The following NRXN2 variants were observed in gnomAD, a reference collection of about 807,000 sequenced individuals.
The protein encoded by NRXN2 is neurexin-2-beta.
A neutral mutation model predicts 128.8 loss-of-function variants in NRXN2; 29 were observed. The ratio of observed to expected loss-of-function variants is 0.23; its 90% CI spans 0.17 to 0.31. NRXN2 has a LOEUF of 0.31. Ranked by LOEUF, NRXN2 falls within the 10% of genes least tolerant of loss-of-function variation. The probability of loss-of-function intolerance (pLI) is 1.00; values close to 1 mark genes in which losing one functional copy is unlikely to be tolerated. For synonymous variants in NRXN2, 1,098 were observed against 1,075.2 expected, an observed-to-expected ratio of 1.02 and a Z score of -0.41; for missense variants, 1,881 against 2,452.6, an observed-to-expected ratio of 0.77 and a Z score of 4.92.
At chr11:64,643,330 G>T (rs2046058967) in intron 17 of NRXN2, 1 of 968,440 alleles carries the variant, frequency 1.0e-6, no homozygotes, top group African/African-American at 1.9e-5. Flanking sequence ...CCGCCCGACG[G>T]AGGCCGGGGG....
rs1191987645 is a variant in NRXN2 at position 64,663,375 on chromosome 11, C to CA, written c.1799-2237dup. 6.2e-3 allele frequency among the ~76,000 whole-genome samples: 648 copies of CA among 105,244 alleles called. 1 individual carries two copies. Among genetic ancestry groups the CA allele is most frequent in the Middle Eastern group, 0.024 (5 of 206 alleles). The allele number at this position is 105,244 out of a possible 152,430, so 69.0% of individuals were successfully genotyped here. On this transcript the variant is annotated intron_variant, in intron 9 of 22. Coordinates refer to ENST00000265459, the MANE Select transcript of NRXN2 (RefSeq NM_015080.4). ...GGGCGACAAGAGCAAAACTCTGACTCAAAAAAAAAAAAAAAACCTCACCTG... is the reference window on the plus strand; with the variant it reads ...GGGCGACAAGAGCAAAACTCTGACTCAAAAAAAAAAAAAAAAACCTCACCTG...
At chr11:64,718,580 C>CG (rs2057357932) in intron 1 of NRXN2, among the ~76,000 whole-genome samples, 1 of 152,178 alleles carries the variant, frequency 6.6e-6, no homozygotes, top group Non-Finnish European at 1.5e-5. Flanking sequence ...TAGGCTGCCT[C>CG]GGGGGGTGGT....
intron 7 of NRXN2, 39 bp from the exon 8 acceptor site, chr11:64,668,643 A>G: frequency 6.2e-7 from 1 of 1,610,408 alleles, no homozygotes; most frequent in South Asian, 1.1e-5. Flanking sequence ...ACAGGAGACA[A>G]CCAACATCAA....
intron 17 of NRXN2, among the ~76,000 whole-genome samples, chr11:64,647,885 A>G (rs537312123): frequency 6.6e-6 from 1 of 152,350 alleles, no homozygotes; most frequent in African/African-American, 2.4e-5. Context: ...AAAACTACAC[A>G]GGACAGCAGC....
chr11:64,690,320 G>A (rs1260742892), intron 5 of NRXN2, 85 bp downstream of exon 5: 24 of 1,252,666 alleles, frequency 1.9e-5, no homozygotes, highest in South Asian at 5.1e-5. Context: ...ATGTGCCTGC[G>A]TTGACTTGGC....
At chr11:64,643,135 C>G (rs1286767262) in intron 17 of NRXN2, 29 of 962,496 alleles carry the variant, frequency 3.0e-5, no homozygotes, top group Admixed American at 7.2e-5. Context: ...GGCATGGTGC[C>G]GAGTGGAGAG....
At chr11:64,686,819 G>A (rs998555400) in intron 5 of NRXN2, among the ~76,000 whole-genome samples, 3 of 152,220 alleles carry the variant, frequency 2.0e-5, no homozygotes, top group Admixed American at 1.3e-4. Flanking sequence ...ATAGGCACCC[G>A]GCACAGGGCC....
At chr11:64,715,218 C>A (rs187824911) in intron 1 of NRXN2, among the ~76,000 whole-genome samples, 10 of 152,292 alleles carry the variant, frequency 6.6e-5, no homozygotes, top group Admixed American at 2.0e-4. Context: ...TTACAAATGT[C>A]ATTTTACTTA....
In NRXN2 at chr11:64,676,011, T is replaced by A. The variant is rs2135535999; in HGVS notation, c.1197+982A>T. On this transcript the variant is annotated intron_variant, in intron 7 of 22. Coordinates refer to ENST00000265459, the MANE Select transcript of NRXN2 (RefSeq NM_015080.4). Reference sequence around the variant, plus strand: ...CTGAGCCTAACCCAAACAGAGGAGCTCGGTGACAAGGACAACCAATGCTGC... The same window carrying A: ...CTGAGCCTAACCCAAACAGAGGAGCACGGTGACAAGGACAACCAATGCTGC... The A allele has an allele frequency of 3.3e-5, 5 of 152,938 alleles. No homozygotes were observed. The South Asian group carries it at 1.0e-3, about 32-fold the overall frequency. 9.5% of individuals were successfully genotyped at this position (152,938 alleles called of 1,614,324 possible). A position where few individuals can be genotyped will look rare whatever the true frequency, so the allele number is the denominator to read the frequency against.
At chr11:64,682,270 T>C (rs532066940) in intron 6 of NRXN2, among the ~76,000 whole-genome samples, 3 of 151,262 alleles carry the variant, frequency 2.0e-5, no homozygotes, top group Non-Finnish European at 3.0e-5. Flanking sequence ...GACTCCATCA[T>C]TGGGGGACTC....
intron 1 of NRXN2, among the ~76,000 whole-genome samples, chr11:64,716,509 G>A (rs1187040913): frequency 6.6e-6 from 1 of 152,200 alleles, no homozygotes; most frequent in Non-Finnish European, 1.5e-5. Flanking sequence ...CGAAGCGGCT[G>A]AGAGTCCAGG....
chr11:64,657,091 T>C (rs2048382601), intron 11 of NRXN2, among the ~76,000 whole-genome samples: 1 of 152,126 alleles, frequency 6.6e-6, no homozygotes, highest in Non-Finnish European at 1.5e-5. Context: ...CTCTACAGGA[T>C]AAGATCATGA....
intron 17 of NRXN2, among the ~76,000 whole-genome samples, chr11:64,641,493 G>A (rs1440779607): frequency 6.6e-6 from 1 of 152,060 alleles, no homozygotes; most frequent in Non-Finnish European, 1.5e-5. Flanking sequence ...GCCAGATGTA[G>A]AAGGTAATGG....
rs1428007772 is a variant in NRXN2, at chr11:64,648,638, C to T, written c.3283+96G>A. On this transcript the variant is annotated intron_variant, in intron 16 of 22. Coordinates refer to ENST00000265459, the MANE Select transcript of NRXN2 (RefSeq NM_015080.4). The surrounding 1 kb of genome is among the most constrained non-coding windows in gnomAD (Gnocchi z 4.1). The stretch of plus-strand genomic sequence containing the variant: ...CCATAAGGCCTGAGAAGGAAGGCCC[C>T]TTGGCAGAGCAAAGGCTACCTGCCC... 2.0e-6 allele frequency: 3 copies of T among 1,531,520 alleles called. No individual in the cohort carries two copies. The highest frequency in any genetic ancestry group is 2.7e-6 in the Non-Finnish European group (3 of 1,107,808). 94.9% of individuals were successfully genotyped at this position (1,531,520 alleles called of 1,614,324 possible).
rs758412480 is a variant in NRXN2, at chr11:64,685,902, C to G, written c.896G>C (p.Cys299Ser). Reference sequence around the variant, plus strand: ...GATGGGGTTGTGTGACAGGTCGTAGCAGAAGAACTCATTGCCTTTGAAGGT... The same window carrying G: ...GATGGGGTTGTGTGACAGGTCGTAGGAGAAGAACTCATTGCCTTTGAAGGT... Reference protein sequence around the residue: ...VATFKGNEFFCYDLSHNPIQS... With the variant: ...VATFKGNEFFSYDLSHNPIQS... Residue 299 changes from cysteine to serine, a missense_variant, in exon 6 of 23, where the codon TGC becomes TCC. By Grantham distance (112) the Cys-to-Ser change is moderately radical (BLOSUM62 -1). This residue lies in a region of NRXN2 where 997 missense variants were observed against 1,240.8 expected (regional missense o/e 0.80). Transcript: ENST00000265459. 3.7e-6 allele frequency: 6 copies of G among 1,614,068 alleles called. No individual in the cohort carries two copies. Among genetic ancestry groups the G allele is most frequent in the African/African-American group, 2.7e-5 (2 of 74,920 alleles).
intron 2 of NRXN2, among the ~76,000 whole-genome samples, chr11:64,700,785 T>C (rs1049271479): frequency 6.6e-6 from 1 of 152,224 alleles, no homozygotes; most frequent in African/African-American, 2.4e-5. Context: ...ACCTCTCTCC[T>C]GTGCTCTTGA....
chr11:64,652,123 G>T lies in NRXN2; in HGVS notation c.2448C>A (p.His816Gln). 1 of 1,613,236 alleles carries T rather than the reference G, an allele frequency of 6.2e-7. No individual in the cohort carries two copies. ...SKGPETLFAGHKLNDNEWHTV... is the reference protein window; with the variant it reads ...SKGPETLFAGQKLNDNEWHTV... ...TGTGCCACTCATTGTCATTGAGCTT[G>T]TGCCCCGCAAACAGCGTTTCGGGGC... The change falls in exon 13 of 23, where the codon CAC (histidine) becomes CAA (glutamine). Residue 816 changes from histidine to glutamine, a missense_variant. Coordinates refer to ENST00000265459, the MANE Select transcript of NRXN2 (RefSeq NM_015080.4).
chr11:64,630,739 G>A lies in NRXN2; in HGVS notation c.3586-166C>T, dbSNP rs2043789127. 1.3e-5 allele frequency among the ~76,000 whole-genome samples: 2 copies of A among 152,212 alleles called. No homozygotes were observed. The highest frequency in any genetic ancestry group is 2.4e-5 in the African/African-American group (1 of 41,452). ...GCAGGCTCGCTCCCCTTCCCCACAT[G>A]CAAGGGAGTAACTTGAGGCCGGAGG... On this transcript the variant is annotated intron_variant, in intron 18 of 22. Transcript: ENST00000265459. The surrounding 1 kb of genome is among the most constrained non-coding windows in gnomAD (Gnocchi z 4.6).
rs369283380 is a variant in NRXN2, at chr11:64,652,158, C to A, written c.2417-4G>T. 3.5e-5 allele frequency: 57 copies of A among 1,611,014 alleles called. 1 individual carries two copies. The South Asian group carries it at 5.5e-4, about 16-fold the overall frequency. On this transcript the variant is annotated splice_region_variant and splice_polypyrimidine_tract_variant and intron_variant, in intron 12 of 22. Coordinates refer to ENST00000265459, the MANE Select transcript of NRXN2 (RefSeq NM_015080.4). ...AACAGCGTTTCGGGGCCTTTACCTGCGGCACCAAGGGGGGAATGAGGAGGG... is the reference window on the plus strand; with the variant it reads ...AACAGCGTTTCGGGGCCTTTACCTGAGGCACCAAGGGGGGAATGAGGAGGG...
Sources: allele counts gnomAD v4.1 joint callset (sites outside exome capture counted in the v4.1 genomes callset), GRCh38; gene constraint gnomAD v4.1.1; regional missense constraint gnomAD v4.1.1; non-coding constraint Gnocchi (gnomAD v3.1); transcripts MANE v1.5; gene names NCBI Gene and HGNC (gene_info 2026-07-23, HGNC 2026-07-21).